Variants in CACNA1E observed in about 807,000 individuals in gnomAD.
The protein encoded by CACNA1E is calcium voltage-gated channel subunit alpha1 E.
CACNA1E carries 40 observed loss-of-function variants against 259.2 expected under a neutral mutation model. The ratio of observed to expected loss-of-function variants is 0.15; its 90% CI spans 0.12 to 0.20. CACNA1E has a LOEUF of 0.20. Among genes scored for constraint, CACNA1E ranks in the 10% least tolerant of loss-of-function variants. CACNA1E has a pLI of 1.00. For synonymous variants in CACNA1E, 1,104 were observed against 1,138.5 expected, an observed-to-expected ratio of 0.97 and a Z score of 0.61; for missense variants, 1,874 against 3,040.1, an observed-to-expected ratio of 0.62 and a Z score of 9.02.
chr1:181,795,175 C>A (rs953488854), intron 46 of CACNA1E, 131 bp downstream of exon 46: 4 of 752,484 alleles, frequency 5.3e-6, no homozygotes, highest in Non-Finnish European at 8.3e-6. Flanking sequence ...GAAGGATGCT[C>A]CTTACCAAAG....
At chr1:181,524,513 A>G (rs1667212977) in intron 3 of CACNA1E, among the ~76,000 whole-genome samples, 2 of 152,194 alleles carry the variant, frequency 1.3e-5, no homozygotes, top group East Asian at 1.9e-4. Context: ...CCAAATTTCA[A>G]TGGGTTAACA....
Position 181,732,879 on chromosome 1 carries a change from G to A in CACNA1E, c.2793G>A (p.Lys931=), listed in dbSNP as rs748583679. 11 of 1,614,010 alleles carry A rather than the reference G, an allele frequency of 6.8e-6. No individual in the cohort carries two copies. In the South Asian group the frequency reaches 1.1e-4, roughly 16 times the overall value. Residue 931 remains lysine (K), a synonymous_variant, in exon 20 of 48, where the codon AAG becomes AAA. Coordinates refer to ENST00000367573, the MANE Select transcript of CACNA1E (RefSeq NM_001205293.3). The surrounding 1 kb of genome is among the most constrained non-coding windows in gnomAD (Gnocchi z 5.5). ...SRHRRVRTEG[K]ESSSASRSRS... ...ATCGCCGCGTCAGGACAGAAGGCAA[G>A]GAGTCCTCTTCAGCCTCCCGGAGCA...
intron 1 of CACNA1E, among the ~76,000 whole-genome samples, chr1:181,404,207 G>A (rs573384983): frequency 6.6e-5 from 10 of 152,286 alleles, no homozygotes; most frequent in East Asian, 1.9e-4. Context: ...GGGATGGAAC[G>A]ATCTTGAGGA....
At chr1:181,705,342 A>G (rs1256440252) in intron 7 of CACNA1E, among the ~76,000 whole-genome samples, 3 of 152,242 alleles carry the variant, frequency 2.0e-5, no homozygotes, top group Non-Finnish European at 4.4e-5. Flanking sequence ...TTAGCTGTGT[A>G]TGAATAGTTG....
chr1:181,414,247 A>C (rs922964974), intron 2 of CACNA1E, among the ~76,000 whole-genome samples: 3 of 152,164 alleles, frequency 2.0e-5, no homozygotes, highest in African/African-American at 4.8e-5. Flanking sequence ...TGTCCTGTGG[A>C]TGCCGGAGTT....
intron 3 of CACNA1E, among the ~76,000 whole-genome samples, chr1:181,548,129 C>CTTTTTTTTTTT (rs71571282): frequency 7.5e-6 from 1 of 133,390 alleles, no homozygotes; most frequent in African/African-American, 3.2e-5. Context: ...CTTTTTTTTT[C>CTTTTTTTTTTT]TTTTTTTTTT....
chr1:181,471,063 C>T (rs1244998817), intron 2 of CACNA1E, among the ~76,000 whole-genome samples: 1 of 152,188 alleles, frequency 6.6e-6, no homozygotes, highest in Admixed American at 6.5e-5. Flanking sequence ...TTCTTGAATG[C>T]TGCTTCCTCC....
intron 7 of CACNA1E, among the ~76,000 whole-genome samples, chr1:181,670,665 C>T (rs1386097415): frequency 1.3e-5 from 2 of 152,148 alleles, no homozygotes; most frequent in African/African-American, 2.4e-5. Context: ...CGTCCTCAGG[C>T]TGAAGCTGAC....
Position 181,796,833 on chromosome 1 carries a change from G to A in CACNA1E, c.6374G>A (p.Gly2125Asp), listed in dbSNP as rs778521754. ...ERRQSRSPSE[G>D]RSQTPNRQGT... ...CGTCAATCCAGGTCACCCAGTGAGGGCAGGTCACAGACGCCCAACAGACAG... is the reference window on the plus strand; with the variant it reads ...CGTCAATCCAGGTCACCCAGTGAGGACAGGTCACAGACGCCCAACAGACAG... The change falls in exon 47 of 48, where the codon GGC (glycine) becomes GAC (aspartate). Residue 2125 changes from glycine (G) to aspartate (D), a missense_variant. Gly to Asp is a moderately conservative substitution (Grantham distance 94). Coordinates refer to ENST00000367573, the MANE Select transcript of CACNA1E (RefSeq NM_001205293.3). 1 of 1,604,382 alleles carries A rather than the reference G, an allele frequency of 6.2e-7. No homozygotes were observed. Among genetic ancestry groups the A allele is most frequent in the Non-Finnish European group, 8.5e-7 (1 of 1,175,266 alleles).
intron 7 of CACNA1E, among the ~76,000 whole-genome samples, chr1:181,680,576 G>T (rs948138481): frequency 2.0e-5 from 3 of 152,092 alleles, no homozygotes; most frequent in Admixed American, 6.6e-5. Flanking sequence ...CTTCTCACAC[G>T]CCCTGCCTCC....
rs1659984246 is a variant in CACNA1E at position 181,776,454 on chromosome 1, T to A, written c.5267+226T>A. 2.0e-6 allele frequency: 1 copy of A among 499,546 alleles called. No individual in the cohort carries two copies. The highest frequency in any genetic ancestry group is 2.5e-5 in the South Asian group (1 of 40,270). The allele number at this position is 499,546 out of a possible 1,614,324, so 30.9% of individuals were successfully genotyped here. On this transcript the variant is annotated intron_variant, in intron 38 of 47. Coordinates refer to ENST00000367573, the MANE Select transcript of CACNA1E (RefSeq NM_001205293.3). This position sits in a 1 kb window ranked among gnomAD's most constrained non-coding sequence, Gnocchi z 4.4. ...TCCTTCTGTGACAGGGTTTTCCCTTTGTGGGCTGGTCTCATCATCCAGTCC... is the reference window on the plus strand; with the variant it reads ...TCCTTCTGTGACAGGGTTTTCCCTTAGTGGGCTGGTCTCATCATCCAGTCC...
chr1:181,448,175 G>T (rs1571897187), intron 2 of CACNA1E, among the ~76,000 whole-genome samples: 1 of 152,186 alleles, frequency 6.6e-6, no homozygotes, highest in South Asian at 2.1e-4. Flanking sequence ...TACCACATAT[G>T]ATTTCTTCAT....
At chr1:181,366,693 G>C (rs942978607) in intron 1 of CACNA1E, among the ~76,000 whole-genome samples, 1 of 152,180 alleles carries the variant, frequency 6.6e-6, no homozygotes, top group Non-Finnish European at 1.5e-5. Context: ...CCTCTTTGCT[G>C]TGTGACCCCA....
rs560006298 is a variant in CACNA1E, at chr1:181,552,466, A to G, written c.513-25300A>G. Among the ~76,000 whole-genome samples, 23 of 151,768 alleles carry G rather than the reference A, an allele frequency of 1.5e-4. No homozygotes were observed. The South Asian group carries it at 2.1e-3, about 14-fold the overall frequency. ...CTTTTTTTTTCTGTTTTTATATCCA[A>G]CTATCTACTTGTCTAACCAATTAAT... On this transcript the variant is annotated intron_variant, in intron 3 of 47. Coordinates refer to ENST00000367573, the MANE Select transcript of CACNA1E (RefSeq NM_001205293.3).
chr1:181,589,057 C>G (rs1652373556), intron 6 of CACNA1E, among the ~76,000 whole-genome samples: 1 of 152,182 alleles, frequency 6.6e-6, no homozygotes, highest in Admixed American at 6.5e-5. Context: ...AGAGTGTGGT[C>G]CATCTTGGAA....
chr1:181,708,204 G>A (rs1652984964), intron 7 of CACNA1E, among the ~76,000 whole-genome samples: 1 of 152,208 alleles, frequency 6.6e-6, no homozygotes, highest in Non-Finnish European at 1.5e-5. Flanking sequence ...GGCTTGAAGA[G>A]AAAGGTTTGG....
At chr1:181,562,134 A>G (rs1361807187) in intron 3 of CACNA1E, among the ~76,000 whole-genome samples, 1 of 151,936 alleles carries the variant, frequency 6.6e-6, no homozygotes, top group Non-Finnish European at 1.5e-5. Context: ...ATTTTTTGCT[A>G]TTATAGATAA....
At chr1:181,546,822 G>A (rs1280150033) in intron 3 of CACNA1E, among the ~76,000 whole-genome samples, 1 of 152,196 alleles carries the variant, frequency 6.6e-6, no homozygotes, top group Non-Finnish European at 1.5e-5. Flanking sequence ...GGGATTTGGT[G>A]TCTGGTGTTA....
chr1:181,590,452 A>G (rs1461333884), intron 6 of CACNA1E, among the ~76,000 whole-genome samples: 4 of 147,672 alleles, frequency 2.7e-5, no homozygotes, highest in African/African-American at 7.8e-5. Context: ...TTGACTGATG[A>G]GTACAGCTTT....
Sources: gnomAD v4.1 joint callset for allele counts (sites outside exome capture counted in the v4.1 genomes callset) on GRCh38, gnomAD v4.1.1 for gene constraint, Gnocchi (gnomAD v3.1) non-coding constraint, MANE v1.5 for transcripts, NCBI Gene and HGNC (gene_info 2026-07-23, HGNC 2026-07-21) for gene names.